ZNF500: variants seen among roughly 807,000 people sequenced by gnomAD.
ZNF500 encodes the protein zinc finger protein 500.
ZNF500 carries 31 observed loss-of-function variants against 30.1 expected under a neutral mutation model. The ratio of observed to expected loss-of-function variants is 1.03; its 90% CI spans 0.77 to 1.39. The LOEUF is 1.39. ZNF500 is among the 40% of genes most tolerant of loss of function. ZNF500 has a pLI of 0.00. For missense variants in ZNF500, 817 were observed against 657.8 expected (o/e 1.24, Z -2.65); for synonymous variants, 392 against 282.0 (o/e 1.39, Z -3.91).
Position 4,749,108 on chromosome 16 carries a change from C to T in ZNF500, c.*3268G>A, listed in dbSNP as rs1273912355. 1 of 152,824 alleles carries T rather than the reference C, an allele frequency of 6.5e-6. No individual in the cohort carries two copies. Among genetic ancestry groups the T allele is most frequent in the Non-Finnish European group, 1.5e-5 (1 of 68,300 alleles). 9.5% of individuals were successfully genotyped at this position (152,824 alleles called of 1,614,324 possible). A position where few individuals can be genotyped will look rare whatever the true frequency, so the allele number is the denominator to read the frequency against. On this transcript the variant is annotated 3_prime_UTR_variant, in exon 6 of 6. Transcript: ENST00000219478. ...TTCCATAAAGTCCCAGGAGGTCCCT[C>T]CTGTAGGGCACAAGGCCAGGCTGCC... is the stretch of plus-strand genomic sequence containing the variant.
At chr16:4,762,514 G>C in intron 3 of ZNF500, 59 bp downstream of exon 3, 1 of 1,555,998 alleles carries the variant, frequency 6.4e-7, no homozygotes, top group Non-Finnish European at 8.7e-7. Context: ...CCACACCCCA[G>C]TCACCTTCAC....
At chr16:4,746,848 C>G, downstream of ZNF500, 1 of 1,322,200 alleles carries the variant, frequency 7.6e-7, no homozygotes, top group Non-Finnish European at 1.0e-6. Flanking sequence ...CCAGCAAAGC[C>G]CGAGTGCTTC....
intron 5 of ZNF500, among the ~76,000 whole-genome samples, chr16:4,754,360 T>C (rs2082114890): frequency 6.6e-6 from 1 of 151,976 alleles, no homozygotes; most frequent in Non-Finnish European, 1.5e-5. Flanking sequence ...AAATTCCACA[T>C]CTAAAAAACT....
At position 4,749,041 on chromosome 16, in the gene ZNF500, T is replaced by A. The variant is rs966883634; in HGVS notation, c.*3335A>T. The A allele has an allele frequency of 3.3e-5, 5 of 152,320 alleles. No individual in the cohort carries two copies. The highest frequency in any genetic ancestry group is 1.2e-4 in the African/African-American group (5 of 41,464). 9.4% of individuals were successfully genotyped at this position (152,320 alleles called of 1,614,324 possible). ...GACCCCCACCCGACCCCACTCCCAA[T>A]GATGAGGGGCATTTTCATTGCAAGT... is the stretch of plus-strand genomic sequence containing the variant. On this transcript the variant is annotated 3_prime_UTR_variant, in exon 6 of 6. Coordinates refer to ENST00000219478, the MANE Select transcript of ZNF500 (RefSeq NM_021646.4).
rs2082101416 is a variant in ZNF500 at position 4,752,999 on chromosome 16, C to T, written c.820G>A (p.Glu274Lys). 1 of 1,575,762 alleles carries T rather than the reference C, an allele frequency of 6.3e-7. No individual in the cohort carries two copies. The highest frequency in any genetic ancestry group is 1.4e-5 in the African/African-American group (1 of 74,030). The stretch of plus-strand genomic sequence containing the variant: ...CGTGCCGAGAGCACTCGGTACCACT[C>T]CATTCTCAACGGGGCATCCTCCCTG... ...DGREDAPLRM[E>K]WYRVLSARCQ... Residue 274 changes from glutamate to lysine, a missense_variant, in exon 6 of 6, where the codon GAG becomes AAG. Glu to Lys is a moderately conservative substitution (Grantham distance 56). Transcript: ENST00000219478.
downstream of ZNF500, among the ~76,000 whole-genome samples, chr16:4,745,704 A>G (rs1158794752): frequency 2.0e-5 from 3 of 152,176 alleles, no homozygotes; most frequent in Non-Finnish European, 4.4e-5. Context: ...TAATCCCGGC[A>G]CTTTGGAAGG....
chr16:4,763,076 G>C (rs1178960837), intron 2 of ZNF500: 1 of 985,412 alleles, frequency 1.0e-6, no homozygotes, highest in African/African-American at 1.7e-5. Context: ...AATTTCAGAA[G>C]TTCACAGAAC....
rs1190557169 is a variant in ZNF500 at position 4,751,550 on chromosome 16, G to A, written c.*826C>T. ...GGGCTCCATTTGGAAACTCTGGCAG[G>A]ATGAAGAAGCTGGAGACCACGTCCT... On this transcript the variant is annotated 3_prime_UTR_variant, in exon 6 of 6. Coordinates refer to ENST00000219478, the MANE Select transcript of ZNF500 (RefSeq NM_021646.4). 1.3e-6 allele frequency: 2 copies of A among 1,530,114 alleles called. No homozygotes were observed. The highest frequency in any genetic ancestry group is 2.8e-5 in the African/African-American group (2 of 72,694). 94.8% of individuals were successfully genotyped at this position (1,530,114 alleles called of 1,614,324 possible).
chr16:4,745,075 C>A, downstream of ZNF500: 7 of 1,556,022 alleles, frequency 4.5e-6, no homozygotes, highest in Non-Finnish European at 5.3e-6. Context: ...TTTTGTAGCA[C>A]TGACTGGGCC....
chr16:4,765,469 C>G, intron 2 of ZNF500, 96 bp downstream of exon 2: 2 of 1,490,576 alleles, frequency 1.3e-6, no homozygotes, highest in Non-Finnish European at 1.8e-6. Flanking sequence ...GCCAGGCAGC[C>G]ACACTTGGTC....
Position 4,760,472 on chromosome 16 carries a change from C to T in ZNF500, c.760+20G>A. ...TATTTTTGGCAAGCCCCCTAGAGGA[C>T]ACAATCACTTGCAAGTTACCTTCAT... On this transcript the variant is annotated intron_variant, in intron 5 of 5. Coordinates refer to ENST00000219478, the MANE Select transcript of ZNF500 (RefSeq NM_021646.4). The T allele has an allele frequency of 6.2e-7, 1 of 1,611,606 alleles. No individual in the cohort carries two copies. The highest frequency in any genetic ancestry group is 8.5e-7 in the Non-Finnish European group (1 of 1,178,436).
downstream of ZNF500, chr16:4,746,512 G>C: frequency 6.2e-7 from 1 of 1,612,916 alleles, no homozygotes; most frequent in East Asian, 2.2e-5. Context: ...TCCCCAGAAA[G>C]GTCCGGAGGG....
intron 5 of ZNF500, 47 bp downstream of exon 5, chr16:4,760,445 C>A: frequency 1.3e-6 from 2 of 1,575,284 alleles, no homozygotes; most frequent in South Asian, 1.1e-5. Flanking sequence ...CCTGACAGTT[C>A]CTATTTTTGG....
At chr16:4,745,886 G>A (rs1438981626), downstream of ZNF500, among the ~76,000 whole-genome samples, 8 of 151,508 alleles carry the variant, frequency 5.3e-5, no homozygotes, top group Admixed American at 3.3e-4. Flanking sequence ...CCCAGGAGGC[G>A]GAGGTTGCAG....
At chr16:4,746,474 G>A (rs921487003), downstream of ZNF500, 3 of 1,613,784 alleles carry the variant, frequency 1.9e-6, no homozygotes, top group Non-Finnish European at 2.5e-6. Flanking sequence ...TTATTGACCT[G>A]CGGCAGATGG....
In ZNF500 at chr16:4,753,017, C is replaced by T. The variant is rs989042439; in HGVS notation, c.802G>A (p.Asp268Asn). 3 of 1,555,566 alleles carry T rather than the reference C, an allele frequency of 1.9e-6. No individual in the cohort carries two copies. In the Admixed American group the frequency reaches 5.6e-5, roughly 29 times the overall value. Reference sequence around the variant, plus strand: ...TACCACTCCATTCTCAACGGGGCATCCTCCCTGCCATCACCGCCGTCCTCC... The same window carrying T: ...TACCACTCCATTCTCAACGGGGCATTCTCCCTGCCATCACCGCCGTCCTCC... ...QLEDGGDGRE[D>N]APLRMEWYRV... Residue 268 changes from aspartate to asparagine, a missense_variant, in exon 6 of 6, where the codon GAT (aspartate) becomes AAT (asparagine). Transcript: ENST00000219478.
chr16:4,747,599 C>T (rs765238034), downstream of ZNF500: 2 of 1,609,546 alleles, frequency 1.2e-6, no homozygotes, highest in East Asian at 4.5e-5. Context: ...CAGGGAGGCC[C>T]TGATGCCTCC....
In ZNF500 at chr16:4,765,637, C is replaced by T. The variant is rs764374743; in HGVS notation, c.342G>A (p.Gln114=). The T allele has an allele frequency of 2.7e-4, 433 of 1,613,408 alleles. 1 individual carries two copies. Among genetic ancestry groups the T allele is most frequent in the Non-Finnish European group, 3.4e-4 (405 of 1,179,948 alleles). Residue 114 remains glutamine (Q), a synonymous_variant, in exon 2 of 6, where the codon CAG becomes CAA. Transcript: ENST00000219478. ...CCACGGCCTCCTCACCGCTCTCCGG[C>T]TGCTGCTCGCGTACCCGAGCCTGGA... is the stretch of plus-strand genomic sequence containing the variant. ...GEIQARVREQ[Q]PESGEEAVVL...
chr16:4,754,270 G>A (rs1018773339), intron 5 of ZNF500, among the ~76,000 whole-genome samples: 7 of 152,116 alleles, frequency 4.6e-5, no homozygotes, highest in African/African-American at 9.7e-5. Context: ...CCTCCTGGGC[G>A]AATCCTTCTT....
Sources: allele counts gnomAD v4.1 joint callset (sites outside exome capture counted in the v4.1 genomes callset), GRCh38; gene constraint gnomAD v4.1.1; transcripts MANE v1.5; gene names NCBI Gene and HGNC (gene_info 2026-07-23, HGNC 2026-07-21).